SH3KBP1: variants seen among roughly 807,000 people sequenced by gnomAD.
SH3KBP1 encodes SH3 domain-containing kinase-binding protein 1.
A neutral mutation model predicts 50.1 loss-of-function variants in SH3KBP1; 8 were observed. The ratio of observed to expected loss-of-function variants is 0.16; its 90% CI spans 0.09 to 0.29. The LOEUF (loss-of-function observed/expected upper bound fraction) is 0.29. Among genes scored for constraint, SH3KBP1 ranks in the 10% least tolerant of loss-of-function variants. The pLI is 1.00. For missense variants in SH3KBP1, 377 were observed against 535.2 expected, an observed-to-expected ratio of 0.70 and a Z score of 2.92; for synonymous variants, 227 against 218.6, an observed-to-expected ratio of 1.04 and a Z score of -0.34.
intron 2 of SH3KBP1, among the ~76,000 whole-genome samples, chrX:19,820,945 TCAGTGAAGTGTAAAAA>T (rs2067508218): frequency 8.9e-6 from 1 of 111,814 alleles, no homozygotes; most frequent in African/African-American, 3.3e-5. Flanking sequence ...TTTTCCTATT[TCAGTGAAGTGTAAAAA>T]CCTTACTTCC....
At chrX:19,549,473 G>T (rs1457405152) in intron 14 of SH3KBP1, among the ~76,000 whole-genome samples, 1 of 111,502 alleles carries the variant, frequency 9.0e-6, no homozygotes. Flanking sequence ...TCATCACCAG[G>T]TGCCTCATAT....
chrX:19,782,955 C>A (rs12689341), intron 2 of SH3KBP1, among the ~76,000 whole-genome samples: 19,288 of 110,382 alleles, frequency 0.17, 1,539 homozygotes, highest in African/African-American at 0.29. Flanking sequence ...AGAAAAAAAA[C>A]AACAACAAAA....
intron 4 of SH3KBP1, among the ~76,000 whole-genome samples, chrX:19,705,528 G>A (rs765200114): frequency 1.9e-4 from 21 of 111,059 alleles, no homozygotes; most frequent in African/African-American, 5.6e-4. Flanking sequence ...TATGTGCCCT[G>A]CTTGCCACCA....
At chrX:19,627,303 G>A (rs1197659487) in intron 8 of SH3KBP1, among the ~76,000 whole-genome samples, 2 of 112,109 alleles carry the variant, frequency 1.8e-5, no homozygotes, top group Non-Finnish European at 3.8e-5. Flanking sequence ...CCTTCCAATG[G>A]CCATCTCACC....
chrX:19,695,767 G>A (rs771496727), intron 4 of SH3KBP1, 26 bp from the exon 5 acceptor site: 2 of 1,206,554 alleles, frequency 1.7e-6, no homozygotes, highest in Admixed American at 4.4e-5. Context: ...CAAAAGAGCA[G>A]AGATACATGG....
intron 7 of SH3KBP1, among the ~76,000 whole-genome samples, chrX:19,644,040 G>A (rs956439671): frequency 8.9e-6 from 1 of 111,922 alleles, no homozygotes; most frequent in Non-Finnish European, 1.9e-5. Context: ...GTTAATAGAC[G>A]CTTTTAGGAC....
At position 19,588,287 on chromosome X, in the gene SH3KBP1, C is replaced by T. The variant is rs1275625116; in HGVS notation, c.1298+356G>A. On this transcript the variant is annotated intron_variant, in intron 12 of 17. Coordinates refer to ENST00000397821, the MANE Select transcript of SH3KBP1 (RefSeq NM_031892.3). ...ACATACTTGAGGCCGGCACAACATC[C>T]AGGGGGACAAAGAGGGACACGCCAC... 5.9e-6 allele frequency: 6 copies of T among 1,021,933 alleles called. No homozygotes were observed. In the African/African-American group the frequency reaches 1.2e-4, roughly 20 times the overall value. The allele number at this position is 1,021,933 out of a possible 1,213,427, so 84.2% of individuals were successfully genotyped here.
chrX:19,843,820 C>G (rs2068290805), intron 1 of SH3KBP1, among the ~76,000 whole-genome samples: 1 of 111,495 alleles, frequency 9.0e-6, no homozygotes, highest in Admixed American at 9.6e-5. Context: ...AAAAAACAAA[C>G]CCGGCTGTGT....
At chrX:19,761,603 T>A (rs1013344192) in intron 2 of SH3KBP1, among the ~76,000 whole-genome samples, 1 of 111,456 alleles carries the variant, frequency 9.0e-6, no homozygotes, top group Non-Finnish European at 1.9e-5. Context: ...AGAGATCATA[T>A]CTAGAATCGA....
intron 12 of SH3KBP1, among the ~76,000 whole-genome samples, chrX:19,580,730 A>G (rs955548424): frequency 9.0e-6 from 1 of 111,120 alleles, no homozygotes; most frequent in African/African-American, 3.3e-5. Context: ...TAGTTGCTCC[A>G]CACTTCCTCC....
In SH3KBP1 at chrX:19,546,127, T is replaced by C. The variant is rs772068108; in HGVS notation, c.1495-77A>G. The C allele has an allele frequency of 3.5e-5, 38 of 1,096,229 alleles. No individual in the cohort carries two copies. The African/African-American group carries it at 4.3e-4, about 13-fold the overall frequency. The allele number at this position is 1,096,229 out of a possible 1,213,427, so 90.3% of individuals were successfully genotyped here. A position where few individuals can be genotyped will look rare whatever the true frequency, so the allele number is the denominator to read the frequency against. ...CCACTTTCGTTAATATAATGCTGTA[T>C]GCTTTAAAAGCACTCGACACTGCTA... On this transcript the variant is annotated intron_variant, in intron 14 of 17. Transcript: ENST00000397821.
intron 14 of SH3KBP1, among the ~76,000 whole-genome samples, chrX:19,548,117 T>C (rs1229937191): frequency 8.9e-6 from 1 of 112,347 alleles, no homozygotes; most frequent in Admixed American, 9.5e-5. Flanking sequence ...CCATAGGGGA[T>C]AGATGTCTAT....
At position 19,821,112 on chromosome X, in the gene SH3KBP1, C is replaced by T. The variant is rs187395679; in HGVS notation, c.162+15013G>A. ...GTTTTTAAAAATTAATGATACAAGCCGGGCACAGTGGCTCACACCTGTAAT... is the reference window on the plus strand; with the variant it reads ...GTTTTTAAAAATTAATGATACAAGCTGGGCACAGTGGCTCACACCTGTAAT... On this transcript the variant is annotated intron_variant, in intron 2 of 17. Transcript: ENST00000397821. Among the ~76,000 whole-genome samples the T allele has an allele frequency of 7.1e-5, 8 of 111,992 alleles. No homozygotes were observed. In the East Asian group the frequency reaches 1.1e-3, roughly 16 times the overall value.
chrX:19,567,299 G>A (rs1382773954), intron 13 of SH3KBP1, among the ~76,000 whole-genome samples: 3 of 106,540 alleles, frequency 2.8e-5, no homozygotes, highest in South Asian at 4.2e-4. Context: ...TGGGAGGATC[G>A]CTTGAGCCTA....
intron 1 of SH3KBP1, among the ~76,000 whole-genome samples, chrX:19,877,891 C>T (rs1412758154): frequency 8.9e-6 from 1 of 112,406 alleles, no homozygotes; most frequent in African/African-American, 3.2e-5. Flanking sequence ...GACCAGCCTC[C>T]AGCAGTGCCC....
At chrX:19,817,694 G>A (rs1414932769) in intron 2 of SH3KBP1, among the ~76,000 whole-genome samples, 1 of 111,314 alleles carries the variant, frequency 9.0e-6, no homozygotes. Context: ...GAGTACAGTG[G>A]TGAGATCTCA....
intron 4 of SH3KBP1, among the ~76,000 whole-genome samples, chrX:19,700,184 T>A (rs2063509289): frequency 9.0e-6 from 1 of 111,332 alleles, no homozygotes; most frequent in Admixed American, 9.5e-5. Context: ...AAGTGACACA[T>A]CAAAGTCTAA....
chrX:19,644,221 A>G (rs1468767955), intron 7 of SH3KBP1, among the ~76,000 whole-genome samples: 1 of 111,629 alleles, frequency 9.0e-6, no homozygotes, highest in East Asian at 2.8e-4. Context: ...TGGGAAGGGT[A>G]GTTGGGGGCT....
intron 4 of SH3KBP1, among the ~76,000 whole-genome samples, chrX:19,702,400 A>C (rs2063552476): frequency 8.9e-6 from 1 of 112,058 alleles, no homozygotes; most frequent in Non-Finnish European, 1.9e-5. Context: ...AAGATGCAAA[A>C]GTACTTTGAA....
Sources: gnomAD v4.1 joint callset for allele counts (sites outside exome capture counted in the v4.1 genomes callset) on GRCh38, gnomAD v4.1.1 for gene constraint, MANE v1.5 for transcripts, NCBI Gene and HGNC (gene_info 2026-07-23, HGNC 2026-07-21) for gene names.